Variants in ANO5 observed in about 807,000 individuals in gnomAD.
ANO5 encodes anoctamin-5.
A neutral mutation model predicts 121.0 loss-of-function variants in ANO5; 109 were observed. The observed-to-expected ratio is 0.90, with a 90% CI of 0.77 to 1.06. The LOEUF (loss-of-function observed/expected upper bound fraction) is 1.06. Among genes scored for constraint, ANO5 ranks in the 50% least tolerant of loss-of-function variants. The probability of loss-of-function intolerance (pLI) is 0.00; values close to 1 mark genes in which losing one functional copy is unlikely to be tolerated. For synonymous variants in ANO5, 406 were observed against 359.9 expected (o/e 1.13, Z -1.45); for missense variants, 1,064 against 1,078.5 (o/e 0.99, Z 0.19).
At chr11:22,270,614 C>T (rs1854575917) in intron 18 of ANO5, among the ~76,000 whole-genome samples, 172 bp downstream of exon 18, 1 of 152,116 alleles carries the variant, frequency 6.6e-6, no homozygotes, top group Non-Finnish European at 1.5e-5. Context: ...TTTCCCTGTT[C>T]CATCAAATAG....
intron 3 of ANO5, among the ~76,000 whole-genome samples, chr11:22,217,384 T>C (rs1226140742): frequency 2.6e-5 from 4 of 151,916 alleles, no homozygotes; most frequent in Non-Finnish European, 4.4e-5. Flanking sequence ...ACTGAGCATT[T>C]GAATAACTGA....
chr11:22,258,108 C>T (rs1489281971), intron 14 of ANO5, among the ~76,000 whole-genome samples: 9 of 152,126 alleles, frequency 5.9e-5, no homozygotes, highest in Non-Finnish European at 1.3e-4. Flanking sequence ...ATCTTTATTT[C>T]CACCTTATTT....
intron 9 of ANO5, among the ~76,000 whole-genome samples, chr11:22,249,177 A>G (rs1186575374): frequency 2.0e-5 from 3 of 152,058 alleles, no homozygotes; most frequent in Admixed American, 1.3e-4. Flanking sequence ...GATAAACAGA[A>G]AGATGCCTAT....
intron 1 of ANO5, 80 bp from the exon 2 acceptor site, chr11:22,203,723 AT>A: frequency 2.3e-6 from 2 of 864,054 alleles, no homozygotes; most frequent in Non-Finnish European, 1.8e-6. Context: ...TTCAATTCCT[AT>A]TTTTTCCTTA....
chr11:22,270,518 G>A, intron 18 of ANO5, 76 bp downstream of exon 18: 1 of 1,513,012 alleles, frequency 6.6e-7, no homozygotes. Flanking sequence ...ACTTCTTTCT[G>A]CCTTGCACAT....
In ANO5 at chr11:22,259,695, C is replaced by T; in HGVS notation, c.1584C>T (p.Ile528=). 1 of 1,613,996 alleles carries T rather than the reference C, an allele frequency of 6.2e-7. No homozygotes were observed. The highest frequency in any genetic ancestry group is 8.5e-7 in the Non-Finnish European group (1 of 1,179,962). The change falls in exon 15 of 22, where the codon ATC becomes ATT. Residue 528 remains isoleucine (I), a synonymous_variant. Coordinates refer to ENST00000324559, the MANE Select transcript of ANO5 (RefSeq NM_213599.3). ...GCTTGAACTTTATTGTCATCTTGAT[C>T]TTGAATTTCTTTTATGAAAAGATAT... ...GSCLNFIVIL[I]LNFFYEKISA...
chr11:22,204,562 G>A (rs935459894), intron 2 of ANO5, among the ~76,000 whole-genome samples: 2 of 152,056 alleles, frequency 1.3e-5, no homozygotes, highest in Non-Finnish European at 2.9e-5. Flanking sequence ...TGGAAAACAC[G>A]TCCTTCTAGA....
chr11:22,256,231 G>C (rs959998099), intron 13 of ANO5, among the ~76,000 whole-genome samples: 2 of 151,966 alleles, frequency 1.3e-5, no homozygotes, highest in African/African-American at 4.8e-5. Context: ...CATATTTTTT[G>C]AGCCCCTATC....
At chr11:22,215,684 A>T (rs2133568407) in intron 3 of ANO5, among the ~76,000 whole-genome samples, 1 of 152,070 alleles carries the variant, frequency 6.6e-6, no homozygotes, top group East Asian at 1.9e-4. Flanking sequence ...TTATGAAAAA[A>T]GTTTTCATCT....
intron 9 of ANO5, among the ~76,000 whole-genome samples, chr11:22,249,204 G>T (rs1853719307): frequency 6.6e-6 from 1 of 151,972 alleles, no homozygotes; most frequent in Non-Finnish European, 1.5e-5. Flanking sequence ...TAAGAGTGTT[G>T]AAATATGAAG....
chr11:22,250,894 T>A (rs1214057715), intron 11 of ANO5, 48 bp downstream of exon 11: 1 of 1,609,098 alleles, frequency 6.2e-7, no homozygotes, highest in Non-Finnish European at 8.5e-7. Context: ...TTTTCCTCCT[T>A]TTTATTACAT....
intron 8 of ANO5, among the ~76,000 whole-genome samples, chr11:22,237,628 T>C (rs1853268356): frequency 6.6e-6 from 1 of 152,118 alleles, no homozygotes; most frequent in Admixed American, 6.6e-5. Context: ...TGGCCAATGT[T>C]CAATATTTAT....
chr11:22,282,270 CT>C lies in ANO5; in HGVS notation c.*2509del, dbSNP rs1288990778. 1 of 152,142 alleles carries C rather than the reference CT, an allele frequency of 6.6e-6. No homozygotes were observed. Among genetic ancestry groups the C allele is most frequent in the African/African-American group, 2.4e-5 (1 of 41,450 alleles). The allele number at this position is 152,142 out of a possible 1,614,324, so 9.4% of individuals were successfully genotyped here. A position where few individuals can be genotyped will look rare whatever the true frequency, so the allele number is the denominator to read the frequency against. ...GCCAAAGCCAAAAAAATACTTAACT[CT>C]TTTCAAAGGCCCTCTTTCATCCTTG... On this transcript the variant is annotated 3_prime_UTR_variant, in exon 22 of 22. Coordinates refer to ENST00000324559, the MANE Select transcript of ANO5 (RefSeq NM_213599.3).
chr11:22,276,970 G>A (rs533659202), intron 21 of ANO5, among the ~76,000 whole-genome samples: 1 of 151,060 alleles, frequency 6.6e-6, no homozygotes, highest in Non-Finnish European at 1.5e-5. Flanking sequence ...AAATCAAATA[G>A]TTCTGCATGG....
At position 22,255,538 on chromosome 11, in the gene ANO5, G is replaced by A. The variant is rs781637774; in HGVS notation, c.1332+16G>A. On this transcript the variant is annotated intron_variant, in intron 13 of 21. Transcript: ENST00000324559. Reference sequence around the variant, plus strand: ...AGTGACTAAGGTAGACTAGAAAACTGTGAAACGGACAGCATATCTCAATGG... The same window carrying A: ...AGTGACTAAGGTAGACTAGAAAACTATGAAACGGACAGCATATCTCAATGG... 18 of 1,611,928 alleles carry A rather than the reference G, an allele frequency of 1.1e-5. No individual in the cohort carries two copies. Among genetic ancestry groups the A allele is most frequent in the Non-Finnish European group, 1.4e-5 (17 of 1,178,558 alleles).
intron 21 of ANO5, among the ~76,000 whole-genome samples, chr11:22,276,435 T>G (rs973016587): frequency 1.3e-5 from 2 of 151,788 alleles, no homozygotes; most frequent in African/African-American, 4.8e-5. Context: ...AAAACAAATA[T>G]GGTTTTTTTC....
intron 1 of ANO5, among the ~76,000 whole-genome samples, chr11:22,196,702 C>G (rs1046527977): frequency 7.9e-5 from 12 of 152,006 alleles, no homozygotes; most frequent in Non-Finnish European, 1.6e-4. Flanking sequence ...AACCCCATCT[C>G]TACTAAAAAT....
chr11:22,236,216 G>C lies in ANO5; in HGVS notation c.702G>C (p.Arg234Ser), dbSNP rs774498908. ...CPFGIEDGKKRFGIERLLNSN... is the reference protein window; with the variant it reads ...CPFGIEDGKKSFGIERLLNSN... ...TTGGCATAGAAGATGGGAAGAAAAGGTTTGGGATTGAAAGACTGCTAAACT... is the reference window on the plus strand; with the variant it reads ...TTGGCATAGAAGATGGGAAGAAAAGCTTTGGGATTGAAAGACTGCTAAACT... The change falls in exon 8 of 22, where the codon AGG (arginine) becomes AGC (serine). Residue 234 changes from arginine to serine, a missense_variant. Coordinates refer to ENST00000324559, the MANE Select transcript of ANO5 (RefSeq NM_213599.3). The C allele has an allele frequency of 6.2e-7, 1 of 1,613,434 alleles. No individual in the cohort carries two copies. The highest frequency in any genetic ancestry group is 1.1e-5 in the South Asian group (1 of 91,072).
intron 21 of ANO5, among the ~76,000 whole-genome samples, chr11:22,279,309 T>C (rs1258966730): frequency 1.3e-5 from 2 of 151,910 alleles, no homozygotes; most frequent in Non-Finnish European, 2.9e-5. Context: ...ATAAAGAGTA[T>C]ATTCAATAAT....
Sources: allele counts gnomAD v4.1 joint callset (sites outside exome capture counted in the v4.1 genomes callset), GRCh38; gene constraint gnomAD v4.1.1; transcripts MANE v1.5; gene names NCBI Gene and HGNC (gene_info 2026-07-23, HGNC 2026-07-21).